The following SENP6 variants were observed in gnomAD, a reference collection of about 807,000 sequenced individuals.
The protein encoded by SENP6 is sentrin-specific protease 6.
A neutral mutation model predicts 134.5 loss-of-function variants in SENP6; 41 were observed. The ratio of observed to expected loss-of-function variants is 0.30; its 90% CI spans 0.24 to 0.40. The LOEUF (loss-of-function observed/expected upper bound fraction) is 0.40. Ranked by LOEUF, SENP6 falls within the 10% of genes least tolerant of loss-of-function variation. The pLI is 1.00. For synonymous variants in SENP6, 395 were observed against 429.8 expected, an observed-to-expected ratio of 0.92 and a Z score of 1.00; for missense variants, 1,248 against 1,312.5, an observed-to-expected ratio of 0.95 and a Z score of 0.76.
At position 75,715,906 on chromosome 6, in the gene SENP6, G is replaced by T; in HGVS notation, c.*312G>T. On this transcript the variant is annotated 3_prime_UTR_variant, in exon 24 of 24. Transcript: ENST00000447266. ...AATAAAAAGAAAATATTTATAGGAGGAAATGATTAATTTGATATTCTTTAG... is the reference window on the plus strand; with the variant it reads ...AATAAAAAGAAAATATTTATAGGAGTAAATGATTAATTTGATATTCTTTAG... 5.7e-6 allele frequency: 1 copy of T among 176,700 alleles called. No individual in the cohort carries two copies. The highest frequency in any genetic ancestry group is 1.2e-5 in the Non-Finnish European group (1 of 84,024). 10.9% of individuals were successfully genotyped at this position (176,700 alleles called of 1,614,324 possible).
chr6:75,614,653 A>C (rs1009886964), intron 1 of SENP6, among the ~76,000 whole-genome samples: 2 of 152,146 alleles, frequency 1.3e-5, no homozygotes, highest in Non-Finnish European at 2.9e-5. Context: ...GATTTCACCC[A>C]CTGGTTCAGC....
chr6:75,639,579 A>G (rs980562779), intron 5 of SENP6, among the ~76,000 whole-genome samples: 22 of 152,062 alleles, frequency 1.4e-4, no homozygotes, highest in African/African-American at 4.8e-4. Flanking sequence ...CATTCCTTTT[A>G]TAATAAGGAT....
rs532513708 is a variant in SENP6 at position 75,640,318 on chromosome 6, G to A, written c.459-366G>A. The stretch of plus-strand genomic sequence containing the variant: ...ATGTTTTTACCAATGCTTCATTTTG[G>A]TATATTGGATTCGGTACTATCATCA... On this transcript the variant is annotated intron_variant, in intron 5 of 23. Transcript: ENST00000447266. 7.2e-5 allele frequency among the ~76,000 whole-genome samples: 11 copies of A among 152,246 alleles called. No homozygotes were observed. In the East Asian group the frequency reaches 2.1e-3, roughly 29 times the overall value.
In SENP6 at chr6:75,677,084, C is replaced by G; in HGVS notation, c.1676C>G (p.Ala559Gly). Residue 559 changes from alanine to glycine, a missense_variant, in exon 14 of 24, where the codon GCA becomes GGA. Physicochemically the swap from Ala to Gly is moderately conservative, Grantham distance 60 (BLOSUM62 0). This residue lies in a region of SENP6 where 733 missense variants were observed against 725.4 expected (regional missense o/e 1.01). Transcript: ENST00000447266. ...LIFQNGLDPP[A>G]NMVFESIINE... ...TTTCAAAATGGCCTTGATCCTCCGG[C>G]AAATATGGTATTTGAAAGTATCATT... 1 of 1,604,164 alleles carries G rather than the reference C, an allele frequency of 6.2e-7. No individual in the cohort carries two copies. Among genetic ancestry groups the G allele is most frequent in the Non-Finnish European group, 8.5e-7 (1 of 1,172,380 alleles).
intron 11 of SENP6, among the ~76,000 whole-genome samples, chr6:75,672,766 TTAGA>T (rs1307789065): frequency 6.6e-6 from 1 of 152,206 alleles, no homozygotes; most frequent in Non-Finnish European, 1.5e-5. Context: ...TTGCTTATTA[TTAGA>T]TAATTTAATC....
chr6:75,652,544 A>G (rs922742146), intron 7 of SENP6, among the ~76,000 whole-genome samples: 1 of 151,548 alleles, frequency 6.6e-6, no homozygotes, highest in Non-Finnish European at 1.5e-5. Flanking sequence ...TAATGCCAAA[A>G]TGCCTTGTGT....
At chr6:75,622,847 A>G in intron 2 of SENP6, 1 of 1,274,428 alleles carries the variant, frequency 7.8e-7, no homozygotes, top group South Asian at 1.2e-5. Context: ...TTTGAAGGAG[A>G]GCTTTGAACT....
At position 75,716,822 on chromosome 6, in the gene SENP6, G is replaced by A. The variant is rs1366511467; in HGVS notation, c.*1228G>A. The A allele has an allele frequency of 6.6e-6, 1 of 151,830 alleles. No individual in the cohort carries two copies. The highest frequency in any genetic ancestry group is 1.5e-5 in the Non-Finnish European group (1 of 67,802). 9.4% of individuals were successfully genotyped at this position (151,830 alleles called of 1,614,324 possible). On this transcript the variant is annotated 3_prime_UTR_variant, in exon 24 of 24. Coordinates refer to ENST00000447266, the MANE Select transcript of SENP6 (RefSeq NM_015571.4). ...AAATACACATATATCAAAAATAGTT[G>A]AGAATAAAAAGAAAGCCTAATCATC...
chr6:75,667,992 CTA>C (rs1326732216), intron 10 of SENP6, among the ~76,000 whole-genome samples: 1 of 151,938 alleles, frequency 6.6e-6, no homozygotes, highest in Non-Finnish European at 1.5e-5. Context: ...ATGTTAAATT[CTA>C]TATGTATGTG....
intron 18 of SENP6, among the ~76,000 whole-genome samples, chr6:75,700,854 T>G (rs1774977500): frequency 6.6e-6 from 1 of 152,214 alleles, no homozygotes; most frequent in Non-Finnish European, 1.5e-5. Flanking sequence ...GATGTGACTT[T>G]ATAAATAAAA....
At chr6:75,625,373 C>G (rs1339714715) in intron 3 of SENP6, among the ~76,000 whole-genome samples, 1 of 151,894 alleles carries the variant, frequency 6.6e-6, no homozygotes, top group Non-Finnish European at 1.5e-5. Flanking sequence ...TCTCTGCCTC[C>G]GAAAGTGTTG....
chr6:75,686,754 G>T (rs1773870287), intron 16 of SENP6, among the ~76,000 whole-genome samples: 2 of 152,132 alleles, frequency 1.3e-5, no homozygotes, highest in South Asian at 4.1e-4. Flanking sequence ...TAGGGTTTCT[G>T]CCGAGAGATC....
intron 4 of SENP6, 78 bp from the exon 5 acceptor site, chr6:75,634,629 G>T: frequency 1.3e-6 from 1 of 751,520 alleles, no homozygotes; most frequent in Non-Finnish European, 2.1e-6. Context: ...TGTTTGTTCA[G>T]ATTTTAAAAG....
rs2149908890 is a variant in SENP6 at position 75,713,505 on chromosome 6, C to T, written c.2910-8C>T. 6.2e-7 allele frequency: 1 copy of T among 1,608,362 alleles called. No individual in the cohort carries two copies. The highest frequency in any genetic ancestry group is 2.2e-5 in the East Asian group (1 of 44,802). On this transcript the variant is annotated splice_region_variant and splice_polypyrimidine_tract_variant and intron_variant, in intron 21 of 23. Transcript: ENST00000447266. ...AGTATTCGACTTTTGGTCATTTTTA[C>T]CCTGCAGACCTTGTATCCTACTTAT...
chr6:75,693,425 A>C (rs1013185985), intron 16 of SENP6, among the ~76,000 whole-genome samples: 8 of 151,570 alleles, frequency 5.3e-5, no homozygotes, highest in South Asian at 2.1e-4. Context: ...AAAAAAAAAA[A>C]AAAACACCAA....
intron 1 of SENP6, among the ~76,000 whole-genome samples, chr6:75,612,744 A>T (rs534502977): frequency 1.3e-5 from 2 of 152,188 alleles, no homozygotes; most frequent in African/African-American, 2.4e-5. Context: ...GGCAATACCT[A>T]TTGAACTTGA....
chr6:75,617,270 T>C (rs1767926952), intron 1 of SENP6, among the ~76,000 whole-genome samples: 1 of 126,206 alleles, frequency 7.9e-6, no homozygotes, highest in African/African-American at 3.0e-5. Flanking sequence ...TTTCTTTTTT[T>C]TTTTTTTTTT....
intron 5 of SENP6, among the ~76,000 whole-genome samples, chr6:75,639,649 C>G (rs1769877093): frequency 6.6e-6 from 1 of 151,936 alleles, no homozygotes; most frequent in Admixed American, 6.6e-5. Context: ...TAATTTCATT[C>G]TCGAGTAATT....
At chr6:75,627,694 T>C (rs1245733290) in intron 3 of SENP6, among the ~76,000 whole-genome samples, 1 of 152,226 alleles carries the variant, frequency 6.6e-6, no homozygotes, top group Non-Finnish European at 1.5e-5. Flanking sequence ...TGCTTTTTTT[T>C]TGAGACAGTC....
Sources: gnomAD v4.1 joint callset for allele counts (sites outside exome capture counted in the v4.1 genomes callset) on GRCh38, gnomAD v4.1.1 for gene constraint, gnomAD v4.1.1 regional missense constraint, MANE v1.5 for transcripts, NCBI Gene and HGNC (gene_info 2026-07-23, HGNC 2026-07-21) for gene names.